Variants in COL4A6 observed in about 807,000 individuals in gnomAD.
COL4A6 encodes collagen type IV alpha 6 chain.
COL4A6 carries 59 observed loss-of-function variants against 126.7 expected under a neutral mutation model. That is an observed-to-expected ratio of 0.47 (90% confidence interval 0.38 to 0.58). The LOEUF (loss-of-function observed/expected upper bound fraction) is 0.58. Ranked by LOEUF, COL4A6 falls within the 20% of genes least tolerant of loss-of-function variation. The pLI is 0.00. For missense variants in COL4A6, 1,285 were observed against 1,337.3 expected (o/e 0.96, Z 0.61); for synonymous variants, 547 against 496.6 (o/e 1.10, Z -1.35).
chrX:108,159,099 A>T (rs1386599581), intron 44 of COL4A6, among the ~76,000 whole-genome samples: 1 of 111,166 alleles, frequency 9.0e-6, no homozygotes, highest in Non-Finnish European at 1.9e-5. Flanking sequence ...GATTAGTGAA[A>T]CTGTGTCCTG....
At chrX:108,279,549 C>A (rs949599636) in intron 3 of COL4A6, among the ~76,000 whole-genome samples, 5 of 111,621 alleles carry the variant, frequency 4.5e-5, no homozygotes, top group Non-Finnish European at 5.6e-5. Context: ...TAATGGGAGA[C>A]TTTAACATCC....
chrX:108,422,961 C>G (rs2064008201), intron 2 of COL4A6, among the ~76,000 whole-genome samples: 1 of 112,007 alleles, frequency 8.9e-6, no homozygotes, highest in South Asian at 3.8e-4. Context: ...ATTGCAGCTG[C>G]AAACTCCCTG....
chrX:108,156,212 G>A lies in COL4A6; in HGVS notation c.*788C>T, dbSNP rs1332014660. The A allele has an allele frequency of 9.0e-6, 1 of 111,541 alleles. No homozygotes were observed. The highest frequency in any genetic ancestry group is 1.9e-5 in the Non-Finnish European group (1 of 53,074). 9.2% of individuals were successfully genotyped at this position (111,541 alleles called of 1,213,427 possible). ...TACTTCTGGCCCAGGAAAAAAGGCTGTCATTCTCATTTCCTTTGATAGGCT... is the reference window on the plus strand; with the variant it reads ...TACTTCTGGCCCAGGAAAAAAGGCTATCATTCTCATTTCCTTTGATAGGCT... On this transcript the variant is annotated 3_prime_UTR_variant, in exon 45 of 45. Coordinates refer to ENST00000334504, the MANE Select transcript of COL4A6 (RefSeq NM_033641.4).
intron 2 of COL4A6, among the ~76,000 whole-genome samples, chrX:108,322,180 C>T (rs751932504): frequency 1.6e-4 from 18 of 111,617 alleles, no homozygotes; most frequent in Non-Finnish European, 3.0e-4. Context: ...CGGGCACACA[C>T]ACACATACAC....
intron 3 of COL4A6, among the ~76,000 whole-genome samples, chrX:108,256,037 C>G (rs887907844): frequency 1.8e-5 from 2 of 110,903 alleles, no homozygotes; most frequent in African/African-American, 6.5e-5. Flanking sequence ...TTTTCTGTAT[C>G]TCAGTTTCCT....
chrX:108,261,412 G>T (rs2037158500), intron 3 of COL4A6, among the ~76,000 whole-genome samples: 1 of 111,222 alleles, frequency 9.0e-6, no homozygotes, highest in South Asian at 3.8e-4. Context: ...GCTCATCTCT[G>T]GAAGAAGTCT....
At chrX:108,397,827 T>C (rs762190988) in intron 2 of COL4A6, among the ~76,000 whole-genome samples, 2 of 111,738 alleles carry the variant, frequency 1.8e-5, no homozygotes, top group Non-Finnish European at 3.8e-5. Context: ...CTATAGCTGA[T>C]ACCAAGCAAA....
At chrX:108,320,108 C>A (rs892461295) in intron 2 of COL4A6, among the ~76,000 whole-genome samples, 3 of 111,678 alleles carry the variant, frequency 2.7e-5, no homozygotes, top group Non-Finnish European at 5.6e-5. Flanking sequence ...TTTTTCCTCT[C>A]AGTGAAACAA....
intron 8 of COL4A6, among the ~76,000 whole-genome samples, chrX:108,209,648 A>C (rs1034314925): frequency 4.5e-5 from 5 of 111,989 alleles, no homozygotes; most frequent in Non-Finnish European, 9.4e-5. Flanking sequence ...TACTCACAGC[A>C]CTCGACAAAC....
chrX:108,306,131 C>T (rs969051656), intron 3 of COL4A6, among the ~76,000 whole-genome samples: 11 of 111,914 alleles, frequency 9.8e-5, no homozygotes, highest in Admixed American at 9.5e-4. Context: ...GATAGCATAA[C>T]ATTCAAGGGA....
At chrX:108,401,968 T>C (rs1158500106) in intron 2 of COL4A6, among the ~76,000 whole-genome samples, 2 of 111,796 alleles carry the variant, frequency 1.8e-5, no homozygotes, top group Non-Finnish European at 3.8e-5. Flanking sequence ...ACCCAACATG[T>C]CATGATAGAT....
Position 108,192,516 on chromosome X carries a change from G to A in COL4A6, c.1137C>T (p.Gly379=). The A allele has an allele frequency of 3.3e-6, 4 of 1,209,161 alleles. No individual in the cohort carries two copies. The highest frequency in any genetic ancestry group is 4.5e-6 in the Non-Finnish European group (4 of 894,001). Residue 379 remains glycine (G), a synonymous_variant, in exon 18 of 45, where the codon GGC becomes GGT. Coordinates refer to ENST00000334504, the MANE Select transcript of COL4A6 (RefSeq NM_033641.4). ...CAGGGACACCAGAAGGGCCACGTAG[G>A]CCTTGGATGCCTTCATCTCCTTTAA... ...PGLKGDEGIQ[G]LRGPSGVPGL...
intron 2 of COL4A6, among the ~76,000 whole-genome samples, chrX:108,415,432 T>C (rs1458700223): frequency 4.5e-5 from 5 of 112,218 alleles, no homozygotes; most frequent in Non-Finnish European, 7.5e-5. Context: ...TGCAGAATTA[T>C]GGGAAGACCA....
chrX:108,435,012 C>A (rs1425624050), intron 2 of COL4A6, among the ~76,000 whole-genome samples: 1 of 110,678 alleles, frequency 9.0e-6, no homozygotes, highest in African/African-American at 3.3e-5. Context: ...GACTACTATA[C>A]GACTGAAAAT....
chrX:108,200,873 A>C (rs1445698621), intron 13 of COL4A6, among the ~76,000 whole-genome samples: 1 of 111,906 alleles, frequency 8.9e-6, no homozygotes, highest in Non-Finnish European at 1.9e-5. Flanking sequence ...TACCCTATAA[A>C]TATGTAGAAA....
chrX:108,292,511 C>T (rs1038152423), intron 3 of COL4A6, among the ~76,000 whole-genome samples: 7 of 111,592 alleles, frequency 6.3e-5, no homozygotes, highest in South Asian at 3.8e-4. Context: ...CATCTTCTCC[C>T]GCTTGTTGCA....
In COL4A6 at chrX:108,244,339, C is replaced by A. The variant is rs185434383; in HGVS notation, c.145-22965G>T. 3.4e-4 allele frequency among the ~76,000 whole-genome samples: 38 copies of A among 111,463 alleles called. 1 individual carries two copies. The highest frequency in any genetic ancestry group is 3.3e-3 in the Admixed American group (35 of 10,465). On this transcript the variant is annotated intron_variant, in intron 3 of 44. Coordinates refer to ENST00000334504, the MANE Select transcript of COL4A6 (RefSeq NM_033641.4). ...AAAATCAAAGGATTAGGGCGAAAAC[C>A]CATAGTCTTTTTTTGGTCATCTACT...
intron 3 of COL4A6, among the ~76,000 whole-genome samples, chrX:108,250,383 GAT>G (rs1421897091): frequency 9.0e-6 from 1 of 110,609 alleles, no homozygotes; most frequent in East Asian, 2.9e-4. Context: ...AACATCCTGA[GAT>G]GAACTCTTTA....
At chrX:108,236,155 A>G (rs1411828741) in intron 3 of COL4A6, among the ~76,000 whole-genome samples, 1 of 111,879 alleles carries the variant, frequency 8.9e-6, no homozygotes, top group Non-Finnish European at 1.9e-5. Flanking sequence ...CTTGTCCCTT[A>G]AAGCTGAGTG....
Sources: gnomAD v4.1 joint callset for allele counts (sites outside exome capture counted in the v4.1 genomes callset) on GRCh38, gnomAD v4.1.1 for gene constraint, MANE v1.5 for transcripts, NCBI Gene and HGNC (gene_info 2026-07-23, HGNC 2026-07-21) for gene names.